CLEC4C: variants seen among roughly 807,000 people sequenced by gnomAD.
The protein encoded by CLEC4C is C-type lectin domain family 4 member C.
In CLEC4C, 17 loss-of-function variants were observed where a neutral mutation model predicts 27.7. The ratio of observed to expected loss-of-function variants is 0.61; its 90% CI spans 0.42 to 0.92. CLEC4C has a LOEUF of 0.92. CLEC4C is among the 40% of genes least tolerant of loss of function. The pLI, the probability that CLEC4C is intolerant of heterozygous loss-of-function variation, is 0.00. For missense variants in CLEC4C, 244 were observed against 257.3 expected (o/e 0.95, Z 0.35); for synonymous variants, 80 against 80.8 (o/e 0.99, Z 0.06).
chr12:7,731,514 C>A (rs1227661669), intron 4 of CLEC4C, among the ~76,000 whole-genome samples: 1 of 152,084 alleles, frequency 6.6e-6, no homozygotes, highest in Non-Finnish European at 1.5e-5. Flanking sequence ...CTTACAATAG[C>A]CTTTAGGGGA....
At chr12:7,734,130 A>G (rs773128251) in intron 4 of CLEC4C, among the ~76,000 whole-genome samples, 1 of 152,176 alleles carries the variant, frequency 6.6e-6, no homozygotes, top group Non-Finnish European at 1.5e-5. Flanking sequence ...GTACATGAAC[A>G]TATACGAGAC....
chr12:7,736,809 A>C (rs7303396), intron 4 of CLEC4C, among the ~76,000 whole-genome samples: 71,944 of 151,720 alleles, frequency 0.47, 17,701 homozygotes, highest in African/African-American at 0.6. Context: ...CTTGGGAGGC[A>C]GGAGAATGGT....
chr12:7,732,319 G>A (rs1864614027), intron 4 of CLEC4C, among the ~76,000 whole-genome samples: 1 of 147,914 alleles, frequency 6.8e-6, no homozygotes, highest in African/African-American at 2.5e-5. Flanking sequence ...CGTGAGCCAT[G>A]ATGTCCAGCC....
chr12:7,742,692 C>T (rs781395899), intron 2 of CLEC4C, among the ~76,000 whole-genome samples: 1 of 151,090 alleles, frequency 6.6e-6, no homozygotes, highest in East Asian at 2.0e-4. Flanking sequence ...GTCTATTAAT[C>T]CCAGCTACTC....
At chr12:7,738,331 C>CT (rs1864775249) in intron 3 of CLEC4C, among the ~76,000 whole-genome samples, 1 of 152,136 alleles carries the variant, frequency 6.6e-6, no homozygotes, top group Admixed American at 6.6e-5. Context: ...ATGCAAAACA[C>CT]TTAAGAGCAG....
intron 5 of CLEC4C, 117 bp from the exon 6 acceptor site, chr12:7,729,857 CCTT>C: frequency 1.2e-6 from 1 of 848,078 alleles, no homozygotes; most frequent in Non-Finnish European, 1.8e-6. Context: ...ACCCAAACCA[CCTT>C]CTCACTTCTG....
At chr12:7,742,511 G>GA (rs58893714) in intron 2 of CLEC4C, among the ~76,000 whole-genome samples, 26,779 of 118,640 alleles carry the variant, frequency 0.23, 3,049 homozygotes, top group East Asian at 0.35. Flanking sequence ...ACTTTGTCTC[G>GA]AAAAAAAAAA....
intron 4 of CLEC4C, 74 bp downstream of exon 4, chr12:7,737,355 A>G (rs1864750734): frequency 6.5e-6 from 7 of 1,068,754 alleles, no homozygotes; most frequent in Non-Finnish European, 8.7e-6. Flanking sequence ...TTGAACTTTC[A>G]GGGCAATAAA....
intron 2 of CLEC4C, among the ~76,000 whole-genome samples, chr12:7,745,648 G>A (rs1231684704): frequency 6.6e-6 from 1 of 151,206 alleles, no homozygotes; most frequent in East Asian, 2.0e-4. Context: ...GTCCAAGCTG[G>A]TCTTGAACTC....
chr12:7,734,974 G>A (rs2120379723), intron 4 of CLEC4C, among the ~76,000 whole-genome samples: 1 of 152,134 alleles, frequency 6.6e-6, no homozygotes, highest in African/African-American at 2.4e-5. Context: ...ACCGAGGCAG[G>A]CTGATCACTT....
chr12:7,746,084 G>A (rs981377392), intron 2 of CLEC4C, among the ~76,000 whole-genome samples: 7 of 151,400 alleles, frequency 4.6e-5, no homozygotes, highest in East Asian at 2.0e-4. Flanking sequence ...GCATGGTGGC[G>A]GGCACCTGTA....
intron 4 of CLEC4C, among the ~76,000 whole-genome samples, chr12:7,731,195 T>A (rs1388239548): frequency 6.6e-6 from 1 of 152,132 alleles, no homozygotes; most frequent in Non-Finnish European, 1.5e-5. Context: ...GCACATTCCT[T>A]TCCCTTCAGG....
rs1864553197 is a variant in CLEC4C, at chr12:7,729,858, C to T, written c.498-118G>A. 13 of 824,008 alleles carry T rather than the reference C, an allele frequency of 1.6e-5. No homozygotes were observed. In the Admixed American group the frequency reaches 2.9e-4, roughly 19 times the overall value. 51.0% of individuals were successfully genotyped at this position (824,008 alleles called of 1,614,324 possible). A position where few individuals can be genotyped will look rare whatever the true frequency, so the allele number is the denominator to read the frequency against. On this transcript the variant is annotated intron_variant, in intron 5 of 5. Transcript: ENST00000360345. ...TCAAGGTCACGTCTACCCAAACCAC[C>T]TTCTCACTTCTGCTGCCACGTTTTG...
At chr12:7,735,577 C>A (rs12318971) in intron 4 of CLEC4C, among the ~76,000 whole-genome samples, 19 of 148,116 alleles carry the variant, frequency 1.3e-4, no homozygotes, top group African/African-American at 4.7e-4. Flanking sequence ...GAGACCGAGG[C>A]AGGCAGATCA....
At chr12:7,742,718 G>C (rs1864883822) in intron 2 of CLEC4C, among the ~76,000 whole-genome samples, 1 of 151,944 alleles carries the variant, frequency 6.6e-6, no homozygotes, top group African/African-American at 2.4e-5. Context: ...GCTGAGGCAG[G>C]AGAATCACTT....
At chr12:7,747,125 C>A (rs769002358) in intron 1 of CLEC4C, among the ~76,000 whole-genome samples, 193 bp downstream of exon 1, 1 of 152,204 alleles carries the variant, frequency 6.6e-6, no homozygotes, top group South Asian at 2.1e-4. Context: ...GCCCGCCCGG[C>A]CTTTCTTTTT....
chr12:7,747,519 C>T (rs1865011024), upstream of CLEC4C: 1 of 584,116 alleles, frequency 1.7e-6, no homozygotes, highest in African/African-American at 1.8e-5. Context: ...GGAGACTCTG[C>T]AGTGAGCTAA....
chr12:7,735,795 C>A (rs1403151195), intron 4 of CLEC4C, among the ~76,000 whole-genome samples: 1 of 150,548 alleles, frequency 6.6e-6, no homozygotes, highest in Admixed American at 6.6e-5. Context: ...GAGCAAGACT[C>A]CATCTCAAAA....
intron 4 of CLEC4C, among the ~76,000 whole-genome samples, chr12:7,732,502 C>T (rs1864619721): frequency 1.3e-5 from 2 of 151,042 alleles, no homozygotes; most frequent in African/African-American, 4.9e-5. Flanking sequence ...CACGCACGAG[C>T]CACCATGCCC....
Sources: allele counts gnomAD v4.1 joint callset (sites outside exome capture counted in the v4.1 genomes callset), GRCh38; gene constraint gnomAD v4.1.1; transcripts MANE v1.5; gene names NCBI Gene and HGNC (gene_info 2026-07-23, HGNC 2026-07-21).